The following PRKAR2A variants were observed in gnomAD, a reference collection of about 807,000 sequenced individuals.
PRKAR2A encodes the protein protein kinase cAMP-dependent type II regulatory subunit alpha.
A neutral mutation model predicts 51.9 loss-of-function variants in PRKAR2A; 29 were observed. The observed-to-expected ratio is 0.56, with a 90% confidence interval of 0.42 to 0.76. The LOEUF (loss-of-function observed/expected upper bound fraction) is 0.76, where lower values mean the gene tolerates loss of function less well. Ranked by LOEUF, PRKAR2A falls within the 30% of genes least tolerant of loss-of-function variation. The pLI, the probability that PRKAR2A is intolerant of heterozygous loss-of-function variation, is 0.00. For missense variants in PRKAR2A, 445 were observed against 512.1 expected (o/e 0.87, Z 1.26); for synonymous variants, 178 against 186.2 (o/e 0.96, Z 0.36).
chr3:48,846,564 C>T (rs2083466259), intron 1 of PRKAR2A, among the ~76,000 whole-genome samples: 1 of 152,206 alleles, frequency 6.6e-6, no homozygotes, highest in Non-Finnish European at 1.5e-5. Flanking sequence ...TTTGCCCAGG[C>T]TGGTCTCGAA....
intron 1 of PRKAR2A, among the ~76,000 whole-genome samples, chr3:48,808,003 AAT>A (rs1337927087): frequency 2.6e-5 from 4 of 151,986 alleles, no homozygotes; most frequent in African/African-American, 7.2e-5. Flanking sequence ...ATTTATTGAT[AAT>A]GTTATGATAT....
At chr3:48,779,431 C>G (rs1005952445) in intron 5 of PRKAR2A, among the ~76,000 whole-genome samples, 1 of 151,960 alleles carries the variant, frequency 6.6e-6, no homozygotes, top group Non-Finnish European at 1.5e-5. Flanking sequence ...TAGGGGAGTA[C>G]ACAGCAGGGC....
intron 5 of PRKAR2A, among the ~76,000 whole-genome samples, chr3:48,780,878 T>C (rs1028350170): frequency 6.6e-6 from 1 of 152,168 alleles, no homozygotes; most frequent in African/African-American, 2.4e-5. Context: ...TTATAATTGT[T>C]CTGTAGTAAA....
chr3:48,836,489 C>T (rs1482952498), intron 1 of PRKAR2A, among the ~76,000 whole-genome samples: 1 of 91,634 alleles, frequency 1.1e-5, no homozygotes, highest in Non-Finnish European at 2.3e-5. Context: ...AAAAAAAAAA[C>T]TCAAAATGTA....
intron 1 of PRKAR2A, among the ~76,000 whole-genome samples, chr3:48,827,237 C>A (rs1308150204): frequency 3.3e-5 from 5 of 151,684 alleles, no homozygotes; most frequent in Admixed American, 3.3e-4. Context: ...AGACAAATCA[C>A]CTGCCCTGTT....
intron 6 of PRKAR2A, 112 bp from the exon 7 acceptor site, chr3:48,765,461 T>A: frequency 1.4e-6 from 1 of 734,218 alleles, no homozygotes; most frequent in Non-Finnish European, 2.2e-6. Flanking sequence ...CTGTGTTAAT[T>A]AAGTGTTTAA....
chr3:48,839,509 GTAAT>G (rs2083342861), intron 1 of PRKAR2A, among the ~76,000 whole-genome samples: 1 of 151,794 alleles, frequency 6.6e-6, no homozygotes, highest in Non-Finnish European at 1.5e-5. Flanking sequence ...TGCAGCTACA[GTAAT>G]TTATTAATAA....
At chr3:48,764,746 T>A (rs1406248872) in intron 8 of PRKAR2A, among the ~76,000 whole-genome samples, 1 of 152,158 alleles carries the variant, frequency 6.6e-6, no homozygotes, top group African/African-American at 2.4e-5. Context: ...CGCCTCAGCC[T>A]CCCAAGTAGC....
chr3:48,823,684 G>A (rs1216990621), intron 1 of PRKAR2A, among the ~76,000 whole-genome samples: 1 of 149,026 alleles, frequency 6.7e-6, no homozygotes. Flanking sequence ...TACTGGGGAG[G>A]CCAAGGTGGG....
In PRKAR2A at chr3:48,756,462, T is replaced by C; in HGVS notation, c.874-18A>G. 6.2e-7 allele frequency: 1 copy of C among 1,601,754 alleles called. No homozygotes were observed. Among genetic ancestry groups the C allele is most frequent in the Non-Finnish European group, 8.6e-7 (1 of 1,169,076 alleles). ...TTTTCACCCTGAAAGAAAAGAGAGGTCAGGTCAGAGCCATAAGTAGTATTG... is the reference window on the plus strand; with the variant it reads ...TTTTCACCCTGAAAGAAAAGAGAGGCCAGGTCAGAGCCATAAGTAGTATTG... On this transcript the variant is annotated intron_variant, in intron 8 of 10. Coordinates refer to ENST00000265563, the MANE Select transcript of PRKAR2A (RefSeq NM_004157.4).
At chr3:48,843,375 A>AT (rs1485976356) in intron 1 of PRKAR2A, among the ~76,000 whole-genome samples, 11 of 152,034 alleles carry the variant, frequency 7.2e-5, no homozygotes, top group Non-Finnish European at 1.3e-4. Context: ...GGATTCATTA[A>AT]TTTTTTGAAG....
intron 2 of PRKAR2A, among the ~76,000 whole-genome samples, chr3:48,797,088 G>A (rs528322638): frequency 6.6e-6 from 1 of 152,168 alleles, no homozygotes; most frequent in Admixed American, 6.6e-5. Context: ...ATCTATGTGT[G>A]ATGGCTAAAA....
intron 1 of PRKAR2A, among the ~76,000 whole-genome samples, chr3:48,826,398 G>A (rs185571417): frequency 1.2e-4 from 18 of 152,236 alleles, no homozygotes; most frequent in African/African-American, 4.1e-4. Context: ...GAAATGAAGA[G>A]ACATACGGCA....
Position 48,761,903 on chromosome 3 carries a change from G to A in PRKAR2A, c.873+3101C>T, listed in dbSNP as rs141430691. ...CTCCCAGAGTGCTGGGATTACAGGC[G>A]TGAGCCACCCTGCCTGACCAAAAAT... On this transcript the variant is annotated intron_variant, in intron 8 of 10. Coordinates refer to ENST00000265563, the MANE Select transcript of PRKAR2A (RefSeq NM_004157.4). Among the ~76,000 whole-genome samples, 23 of 152,322 alleles carry A rather than the reference G, an allele frequency of 1.5e-4. 1 individual carries two copies. In the East Asian group the frequency reaches 4.0e-3, roughly 27 times the overall value.
chr3:48,810,961 G>A (rs1416939827), intron 1 of PRKAR2A, among the ~76,000 whole-genome samples: 1 of 152,102 alleles, frequency 6.6e-6, no homozygotes, highest in East Asian at 1.9e-4. Context: ...AGGATCATTT[G>A]AGCTCAGGAG....
rs367850537 is a variant in PRKAR2A at position 48,774,100 on chromosome 3, T to A, written c.543-992A>T. On this transcript the variant is annotated intron_variant, in intron 5 of 10. Coordinates refer to ENST00000265563, the MANE Select transcript of PRKAR2A (RefSeq NM_004157.4). ...CTCCTGTCTCAGCCTCCCAAAGTACTGGGATTAAAGGCATGAGCCACCATG... is the reference window on the plus strand; with the variant it reads ...CTCCTGTCTCAGCCTCCCAAAGTACAGGGATTAAAGGCATGAGCCACCATG... Among the ~76,000 whole-genome samples the A allele has an allele frequency of 1.1e-4, 16 of 152,230 alleles. No individual in the cohort carries two copies. The East Asian group carries it at 2.7e-3, about 26-fold the overall frequency.
chr3:48,817,220 G>A (rs545760357), intron 1 of PRKAR2A, among the ~76,000 whole-genome samples: 3 of 151,750 alleles, frequency 2.0e-5, no homozygotes, highest in South Asian at 4.2e-4. Flanking sequence ...CCACCGATTC[G>A]GGAGGCTGAG....
At position 48,809,976 on chromosome 3, in the gene PRKAR2A, T is replaced by C. The variant is rs575276197; in HGVS notation, c.263-2292A>G. Among the ~76,000 whole-genome samples, 5 of 152,122 alleles carry C rather than the reference T, an allele frequency of 3.3e-5. No homozygotes were observed. In the East Asian group the frequency reaches 9.7e-4, roughly 29 times the overall value. ...ACTTCATCTCTTAAATCAGTCTACC[T>C]ACCTTGATCTCCACTATCATCCTAG... On this transcript the variant is annotated intron_variant, in intron 1 of 10. Coordinates refer to ENST00000265563, the MANE Select transcript of PRKAR2A (RefSeq NM_004157.4).
chr3:48,782,866 G>T, intron 5 of PRKAR2A, 120 bp downstream of exon 5: 1 of 685,782 alleles, frequency 1.5e-6, no homozygotes, highest in Middle Eastern at 2.4e-4. Flanking sequence ...AAGGCTTTGG[G>T]AAGCTTGTTC....
Sources: gnomAD v4.1 joint callset for allele counts (sites outside exome capture counted in the v4.1 genomes callset) on GRCh38, gnomAD v4.1.1 for gene constraint, MANE v1.5 for transcripts, NCBI Gene and HGNC (gene_info 2026-07-23, HGNC 2026-07-21) for gene names.